IARS2: variants seen among roughly 807,000 people sequenced by gnomAD.
IARS2 encodes isoleucyl-tRNA synthetase 2, mitochondrial, also known as isoleucine--tRNA ligase, mitochondrial.
In IARS2, 56 loss-of-function variants were observed where a neutral mutation model predicts 126.3. The observed-to-expected ratio is 0.44, with a 90% CI of 0.36 to 0.55. The LOEUF is 0.55. Ranked by LOEUF, IARS2 falls within the 20% of genes least tolerant of loss-of-function variation. IARS2 has a pLI of 0.00. For synonymous variants in IARS2, 407 were observed against 441.1 expected, an observed-to-expected ratio of 0.92 and a Z score of 0.97; for missense variants, 1,127 against 1,245.9, an observed-to-expected ratio of 0.90 and a Z score of 1.44.
chr1:220,102,359 A>G lies in IARS2; in HGVS notation c.700-4A>G. The G allele has an allele frequency of 1.9e-6, 3 of 1,613,366 alleles. No individual in the cohort carries two copies. Among genetic ancestry groups the G allele is most frequent in the Non-Finnish European group, 2.5e-6 (3 of 1,179,838 alleles). ...TTTTAACATCATATTTTTGTCTTTT[A>G]TAGGGCTTGGTTTATCGATCTTACA... On this transcript the variant is annotated splice_polypyrimidine_tract_variant and splice_region_variant and intron_variant, in intron 4 of 22. Transcript: ENST00000366922.
chr1:220,103,135 G>T (rs1343831008), intron 7 of IARS2, among the ~76,000 whole-genome samples: 3 of 151,874 alleles, frequency 2.0e-5, no homozygotes, highest in South Asian at 4.1e-4. Flanking sequence ...CCACCTCCCG[G>T]GTTCAAGCAA....
chr1:220,135,396 T>C (rs1657351304), intron 15 of IARS2, among the ~76,000 whole-genome samples: 2 of 152,016 alleles, frequency 1.3e-5, no homozygotes, highest in African/African-American at 4.8e-5. Context: ...AGTCTTGTTC[T>C]ATTGCCTAGG....
chr1:220,127,381 C>T (rs1283823315), intron 14 of IARS2, among the ~76,000 whole-genome samples: 4 of 152,032 alleles, frequency 2.6e-5, no homozygotes, highest in Non-Finnish European at 5.9e-5. Context: ...AGATAATTAG[C>T]GAATGTTTTT....
At chr1:220,111,551 A>T (rs1558122793) in intron 11 of IARS2, among the ~76,000 whole-genome samples, 2 of 148,968 alleles carry the variant, frequency 1.3e-5, no homozygotes, top group African/African-American at 5.0e-5. Context: ...GAGCCCTTTC[A>T]TTTAATATGT....
intron 17 of IARS2, among the ~76,000 whole-genome samples, chr1:220,138,254 C>T (rs760135839): frequency 7.2e-5 from 11 of 152,082 alleles, no homozygotes; most frequent in Non-Finnish European, 1.5e-4. Context: ...AGGTGGATCA[C>T]GAGGTCAGGA....
chr1:220,143,338 A>G, intron 21 of IARS2: 2 of 360,582 alleles, frequency 5.5e-6, no homozygotes, highest in East Asian at 8.5e-5. Flanking sequence ...TGCACATTTA[A>G]AAAAAAGTGT....
chr1:220,115,611 T>C (rs1656898468), intron 12 of IARS2, among the ~76,000 whole-genome samples: 1 of 151,614 alleles, frequency 6.6e-6, no homozygotes, highest in Admixed American at 6.6e-5. Context: ...TATAGTAAAT[T>C]TGTTAAGTTT....
At chr1:220,117,168 G>T (rs1571852931) in intron 12 of IARS2, among the ~76,000 whole-genome samples, 5 of 118,544 alleles carry the variant, frequency 4.2e-5, no homozygotes, top group Admixed American at 8.2e-5. Flanking sequence ...TATAAGCCAT[G>T]TCATTGTCTC....
At chr1:220,123,839 C>A (rs1657100614) in intron 12 of IARS2, among the ~76,000 whole-genome samples, 1 of 152,208 alleles carries the variant, frequency 6.6e-6, no homozygotes, top group Non-Finnish European at 1.5e-5. Flanking sequence ...TTGGTAAACA[C>A]TTCATTTATC....
chr1:220,111,527 C>G (rs534392108), intron 11 of IARS2, among the ~76,000 whole-genome samples: 4 of 149,852 alleles, frequency 2.7e-5, no homozygotes, highest in African/African-American at 9.9e-5. Flanking sequence ...TATTTAAATA[C>G]TTAATATATA....
Position 220,140,274 on chromosome 1 carries a change from G to T in IARS2, c.2399G>T (p.Ser800Ile). The change falls in exon 19 of 23, where the codon AGT becomes ATT. Residue 800 changes from serine (S) to isoleucine (I), a missense_variant. Coordinates refer to ENST00000366922, the MANE Select transcript of IARS2 (RefSeq NM_018060.4). The stretch of plus-strand genomic sequence containing the variant: ...AGAGAGCTCTCTAACTTTTATTTCA[G>T]TATAATCAAAGATAGGTATGTATGA... ...YTRELSNFYF[S>I]IIKDRLYCEK... 1 of 1,591,338 alleles carries T rather than the reference G, an allele frequency of 6.3e-7. No individual in the cohort carries two copies. The highest frequency in any genetic ancestry group is 8.6e-7 in the Non-Finnish European group (1 of 1,159,596).
At chr1:220,124,103 G>C (rs1162578902) in intron 12 of IARS2, among the ~76,000 whole-genome samples, 1 of 152,208 alleles carries the variant, frequency 6.6e-6, no homozygotes, top group African/African-American at 2.4e-5. Context: ...CCTGCTGGCA[G>C]GATCCATGCT....
intron 1 of IARS2, among the ~76,000 whole-genome samples, chr1:220,094,753 C>T (rs1265478417): frequency 6.6e-6 from 1 of 152,200 alleles, no homozygotes; most frequent in Non-Finnish European, 1.5e-5. Flanking sequence ...ATGTATCGCA[C>T]GTATGTCCCA....
intron 10 of IARS2, among the ~76,000 whole-genome samples, chr1:220,108,552 A>AT (rs1656729247): frequency 6.6e-6 from 1 of 151,274 alleles, no homozygotes; most frequent in Non-Finnish European, 1.5e-5. Flanking sequence ...TGCCCAGCTA[A>AT]TTTTTTGTAT....
rs542892808 is a variant in IARS2, at chr1:220,124,731, T to C, written c.1641-506T>C. Among the ~76,000 whole-genome samples, 117 of 152,324 alleles carry C rather than the reference T, an allele frequency of 7.7e-4. 1 individual carries two copies. In the Middle Eastern group the frequency reaches 0.01, roughly 13 times the overall value. ...GCAGGGAGGGAGTCCTGGAAAGTTT[T>C]CAAGCAGAGAATTCGTGTGATAAAA... On this transcript the variant is annotated intron_variant, in intron 12 of 22. Coordinates refer to ENST00000366922, the MANE Select transcript of IARS2 (RefSeq NM_018060.4).
intron 12 of IARS2, among the ~76,000 whole-genome samples, chr1:220,115,575 G>C (rs1481044334): frequency 6.6e-6 from 1 of 151,880 alleles, no homozygotes; most frequent in Non-Finnish European, 1.5e-5. Context: ...AATTAAAAAA[G>C]AAAAATTCAT....
At chr1:220,146,275 G>T (rs1052597137) in intron 22 of IARS2, among the ~76,000 whole-genome samples, 1 of 152,134 alleles carries the variant, frequency 6.6e-6, no homozygotes, top group Admixed American at 6.5e-5. Flanking sequence ...CCAGCATTTT[G>T]GGAGGCCGAG....
chr1:220,100,983 A>G (rs1321435783), intron 3 of IARS2, among the ~76,000 whole-genome samples: 1 of 152,202 alleles, frequency 6.6e-6, no homozygotes. Flanking sequence ...TTAAGCCAAA[A>G]TTCAATTCTA....
At chr1:220,113,025 G>A (rs1157144872) in intron 11 of IARS2, among the ~76,000 whole-genome samples, 5 of 151,962 alleles carry the variant, frequency 3.3e-5, no homozygotes, top group Non-Finnish European at 5.9e-5. Flanking sequence ...ACCATGCCCG[G>A]CTAATTTTTT....
Sources: gnomAD v4.1 joint callset for allele counts (sites outside exome capture counted in the v4.1 genomes callset) on GRCh38, gnomAD v4.1.1 for gene constraint, MANE v1.5 for transcripts, NCBI Gene and HGNC (gene_info 2026-07-23, HGNC 2026-07-21) for gene names.